Variants in FAF2 observed in about 807,000 individuals in gnomAD.
FAF2 encodes FAS-associated factor 2.
A neutral mutation model predicts 62.3 loss-of-function variants in FAF2; 9 were observed. That is an observed-to-expected ratio of 0.14 (90% CI 0.09 to 0.25). The LOEUF (loss-of-function observed/expected upper bound fraction) is 0.25, where lower values mean the gene tolerates loss of function less well. Ranked by LOEUF, FAF2 falls within the 10% of genes least tolerant of loss-of-function variation. FAF2 has a pLI of 1.00. For missense variants in FAF2, 368 were observed against 556.2 expected (o/e 0.66, Z 3.40); for synonymous variants, 202 against 198.0 (o/e 1.02, Z -0.17).
chr5:176,499,206 A>G (rs1438460622), intron 9 of FAF2, 121 bp downstream of exon 9: 3 of 899,858 alleles, frequency 3.3e-6, no homozygotes, highest in Admixed American at 4.0e-5. Flanking sequence ...GGAAAAAAAA[A>G]AAGGAAAAAG....
intron 1 of FAF2, among the ~76,000 whole-genome samples, chr5:176,476,487 C>G (rs1215892675): frequency 6.6e-6 from 1 of 151,922 alleles, no homozygotes; most frequent in African/African-American, 2.4e-5. Flanking sequence ...ACATTACACC[C>G]TCTGAGAAGG....
chr5:176,472,741 GAAAGAAAGAAA>G (rs1561819599), intron 1 of FAF2, among the ~76,000 whole-genome samples: 2 of 146,772 alleles, frequency 1.4e-5, no homozygotes, highest in Non-Finnish European at 3.0e-5. Context: ...AAAAAGAAAA[GAAAGAAAGAAA>G]AAAGAAAGAA....
At chr5:176,458,408 C>CTTTTTTTT (rs751775026) in intron 1 of FAF2, among the ~76,000 whole-genome samples, 5,399 of 86,138 alleles carry the variant, frequency 0.063, 381 homozygotes, top group African/African-American at 0.086. Context: ...CTTTTTCTTC[C>CTTTTTTTT]TTTTTTTTTT....
chr5:176,473,935 G>A (rs1758618117), intron 1 of FAF2, among the ~76,000 whole-genome samples: 1 of 152,102 alleles, frequency 6.6e-6, no homozygotes. Flanking sequence ...AGATTCTCTA[G>A]GCACATCTTA....
In FAF2 at chr5:176,494,377, G is replaced by T. The variant is rs763268293; in HGVS notation, c.661+102G>T. The T allele has an allele frequency of 1.0e-6, 1 of 979,836 alleles. No individual in the cohort carries two copies. Among genetic ancestry groups the T allele is most frequent in the Non-Finnish European group, 1.6e-6 (1 of 610,120 alleles). 60.7% of individuals were successfully genotyped at this position (979,836 alleles called of 1,614,324 possible). On this transcript the variant is annotated intron_variant, in intron 7 of 10. Coordinates refer to ENST00000261942, the MANE Select transcript of FAF2 (RefSeq NM_014613.3). The surrounding 1 kb of genome is among the most constrained non-coding windows in gnomAD (Gnocchi z 4.0). The stretch of plus-strand genomic sequence containing the variant: ...TTATTACAAGTGTGTTTGTTCTGTG[G>T]TAGATACGACGCTAGTTGCTATTTT...
intron 1 of FAF2, among the ~76,000 whole-genome samples, chr5:176,471,684 CTT>C (rs70991555): frequency 1.6e-3 from 193 of 122,586 alleles, no homozygotes; most frequent in Non-Finnish European, 1.4e-3. Context: ...CGCCCGGCCT[CTT>C]TTTTTTTTTT....
intron 10 of FAF2, among the ~76,000 whole-genome samples, chr5:176,505,962 G>A (rs959911467): frequency 4.6e-5 from 7 of 151,994 alleles, no homozygotes; most frequent in Non-Finnish European, 1.0e-4. Context: ...AGGCCGAGAC[G>A]GGAGGATCAC....
intron 1 of FAF2, among the ~76,000 whole-genome samples, chr5:176,472,662 G>A (rs1021645082): frequency 4.8e-5 from 7 of 144,340 alleles, no homozygotes; most frequent in Middle Eastern, 3.5e-3. Flanking sequence ...TGGGAGGATT[G>A]CTTGAGGCCA....
At chr5:176,462,308 AACACAT>A (rs1758391893) in intron 1 of FAF2, among the ~76,000 whole-genome samples, 1 of 151,990 alleles carries the variant, frequency 6.6e-6, no homozygotes, top group Admixed American at 6.6e-5. Flanking sequence ...TGGATCAGAA[AACACAT>A]ACTATAGTGC....
chr5:176,501,133 A>AAAT (rs60135052), intron 10 of FAF2, among the ~76,000 whole-genome samples: 6 of 150,942 alleles, frequency 4.0e-5, no homozygotes, highest in Admixed American at 1.3e-4. Flanking sequence ...AAAAAAAAAT[A>AAAT]AATAATAATA....
At chr5:176,452,761 A>T (rs1758211815) in intron 1 of FAF2, among the ~76,000 whole-genome samples, 1 of 152,232 alleles carries the variant, frequency 6.6e-6, no homozygotes, top group Non-Finnish European at 1.5e-5. Flanking sequence ...AGGCCTTTCA[A>T]AGCTGTTCAC....
chr5:176,494,174 C>A lies in FAF2; in HGVS notation c.570-10C>A. On this transcript the variant is annotated splice_polypyrimidine_tract_variant and intron_variant, in intron 6 of 10. Transcript: ENST00000261942. This position sits in a 1 kb window ranked among gnomAD's most constrained non-coding sequence, Gnocchi z 4.0. ...AGTTGTTCTCATATCCTTTTCATAC[C>A]TTTCCACAGCAACACACTCTGTGCA... 6.2e-7 allele frequency: 1 copy of A among 1,613,654 alleles called. No homozygotes were observed. The highest frequency in any genetic ancestry group is 1.3e-5 in the African/African-American group (1 of 75,018).
chr5:176,484,469 G>C (rs1758838927), intron 2 of FAF2, among the ~76,000 whole-genome samples: 1 of 152,152 alleles, frequency 6.6e-6, no homozygotes, highest in Non-Finnish European at 1.5e-5. Flanking sequence ...CAGATCAACT[G>C]TTGTGCCATT....
chr5:176,455,634 A>C (rs887240556), intron 1 of FAF2, among the ~76,000 whole-genome samples: 1 of 151,920 alleles, frequency 6.6e-6, no homozygotes, highest in African/African-American at 2.4e-5. Context: ...CTGTAATCCT[A>C]GCTACTCAGG....
At chr5:176,460,219 C>T (rs537927599) in intron 1 of FAF2, among the ~76,000 whole-genome samples, 44 of 152,070 alleles carry the variant, frequency 2.9e-4, no homozygotes, top group African/African-American at 8.4e-4. Flanking sequence ...TTTGGTAGAA[C>T]GAGTTATTTT....
Position 176,494,852 on chromosome 5 carries a change from T to C in FAF2, c.661+577T>C, listed in dbSNP as rs1274720514. Among the ~76,000 whole-genome samples the C allele has an allele frequency of 6.6e-6, 1 of 152,170 alleles. No homozygotes were observed. Among genetic ancestry groups the C allele is most frequent in the Non-Finnish European group, 1.5e-5 (1 of 68,026 alleles). ...GTGAGCCACTGTGCCCCGCCATAATTAGCAAGTTGTAGCGTACAGTCGGGT... is the reference window on the plus strand; with the variant it reads ...GTGAGCCACTGTGCCCCGCCATAATCAGCAAGTTGTAGCGTACAGTCGGGT... On this transcript the variant is annotated intron_variant, in intron 7 of 10. Coordinates refer to ENST00000261942, the MANE Select transcript of FAF2 (RefSeq NM_014613.3). The surrounding 1 kb of genome is among the most constrained non-coding windows in gnomAD (Gnocchi z 4.0).
intron 1 of FAF2, among the ~76,000 whole-genome samples, chr5:176,458,786 C>G (rs963932527): frequency 6.6e-6 from 1 of 152,136 alleles, no homozygotes; most frequent in African/African-American, 2.4e-5. Flanking sequence ...CATGGTCTGA[C>G]TTCACTGTCA....
chr5:176,499,869 T>C (rs1050864817), intron 9 of FAF2, 134 bp from the exon 10 acceptor site: 18 of 999,562 alleles, frequency 1.8e-5, no homozygotes, highest in Non-Finnish European at 2.6e-5. Context: ...TAGGTTGTTT[T>C]TGACTATTCC....
chr5:176,492,483 A>G (rs1469953312), intron 5 of FAF2, 151 bp downstream of exon 5: 5 of 844,984 alleles, frequency 5.9e-6, no homozygotes, highest in African/African-American at 5.3e-5. Context: ...AAAAAGACCA[A>G]ACCTTTTAGC....
Sources: allele counts gnomAD v4.1 joint callset (sites outside exome capture counted in the v4.1 genomes callset), GRCh38; gene constraint gnomAD v4.1.1; non-coding constraint Gnocchi (gnomAD v3.1); transcripts MANE v1.5; gene names NCBI Gene and HGNC (gene_info 2026-07-23, HGNC 2026-07-21).